Variants in MTMR7 observed in about 807,000 individuals in gnomAD.
MTMR7 encodes myotubularin related protein 7.
In MTMR7, 76 loss-of-function variants were observed where a neutral mutation model predicts 81.2. The observed-to-expected ratio is 0.94, with a 90% CI of 0.78 to 1.13. The LOEUF is 1.13. MTMR7 is among the 50% of genes most tolerant of loss of function. The pLI is 0.00. For missense variants in MTMR7, 1,044 were observed against 820.0 expected (o/e 1.27, Z -3.34); for synonymous variants, 372 against 289.8 (o/e 1.28, Z -2.88).
chr8:17,341,443 C>G lies in MTMR7; in HGVS notation c.652G>C (p.Glu218Gln). The change falls in exon 6 of 14, where the codon GAG (glutamate) becomes CAG (glutamine). Residue 218 changes from glutamate to glutamine, a missense_variant. Glu to Gln is a conservative substitution (Grantham distance 29, BLOSUM62 2). Transcript: ENST00000180173. ...PLSGFSARCL[E>Q]DEQMLQAIRK... ...ATGGCCTGGAGCATCTGCTCGTCCT[C>G]TAGGCACCGGGCACTGAAGCCGGAC... The G allele has an allele frequency of 1.2e-6, 2 of 1,614,164 alleles. No individual in the cohort carries two copies. The highest frequency in any genetic ancestry group is 2.2e-5 in the South Asian group (2 of 91,080).
At chr8:17,304,569 A>C (rs771627623) in intron 11 of MTMR7, 50 bp from the exon 12 acceptor site, 2 of 1,571,822 alleles carry the variant, frequency 1.3e-6, no homozygotes, top group African/African-American at 1.3e-5. Flanking sequence ...GTGCTTACAC[A>C]CAGTAGATAT....
In MTMR7 at chr8:17,299,323, G is replaced by C. The variant is rs1352206833; in HGVS notation, c.*539C>G. 1 of 152,428 alleles carries C rather than the reference G, an allele frequency of 6.6e-6. No individual in the cohort carries two copies. The highest frequency in any genetic ancestry group is 1.5e-5 in the Non-Finnish European group (1 of 68,230). 9.4% of individuals were successfully genotyped at this position (152,428 alleles called of 1,614,324 possible). On this transcript the variant is annotated 3_prime_UTR_variant, in exon 14 of 14. Transcript: ENST00000180173. ...AAAAGTTAAAGTGATGATTATGCCTGAAAGATAAGCAATTAAAAGCTCCTT... is the reference window on the plus strand; with the variant it reads ...AAAAGTTAAAGTGATGATTATGCCTCAAAGATAAGCAATTAAAAGCTCCTT...
At chr8:17,335,236 G>C (rs1819197772) in intron 6 of MTMR7, among the ~76,000 whole-genome samples, 1 of 152,162 alleles carries the variant, frequency 6.6e-6, no homozygotes, top group Non-Finnish European at 1.5e-5. Context: ...GAGGGGCCCT[G>C]AGTGTCTCAT....
chr8:17,406,097 A>G (rs73211146), intron 1 of MTMR7, among the ~76,000 whole-genome samples: 14,794 of 152,184 alleles, frequency 0.097, 1,163 homozygotes, highest in East Asian at 0.34. Flanking sequence ...GGCTTTCTAG[A>G]AAATATACAT....
rs776781037 is a variant in MTMR7 at position 17,361,257 on chromosome 8, A to G, written c.328T>C (p.Tyr110His). 4.3e-6 allele frequency: 7 copies of G among 1,614,214 alleles called. No homozygotes were observed. Among genetic ancestry groups the G allele is most frequent in the South Asian group, 1.1e-5 (1 of 91,084 alleles). ...AGCATGGGGTTGAATGAAAAGCAGT[A>G]TAACTCCTCATATTTCACTGCAAGA... ...LARPVKYEEL[Y>H]CFSFNPMLDK... The change falls in exon 4 of 14, where the codon TAC (tyrosine) becomes CAC (histidine). Residue 110 changes from tyrosine (Y) to histidine (H), a missense_variant. Coordinates refer to ENST00000180173, the MANE Select transcript of MTMR7 (RefSeq NM_004686.5).
At chr8:17,350,705 A>G (rs1819704989) in intron 4 of MTMR7, among the ~76,000 whole-genome samples, 1 of 152,170 alleles carries the variant, frequency 6.6e-6, no homozygotes, top group Non-Finnish European at 1.5e-5. Flanking sequence ...CACAACTGAA[A>G]TCCAAGCCTC....
intron 6 of MTMR7, among the ~76,000 whole-genome samples, chr8:17,339,998 C>T (rs796792143): frequency 6.6e-6 from 1 of 152,238 alleles, no homozygotes; most frequent in Admixed American, 6.5e-5. Flanking sequence ...GTTGCCCAGG[C>T]TGGAGTGCAA....
At position 17,348,999 on chromosome 8, in the gene MTMR7, C is replaced by A; in HGVS notation, c.551G>T (p.Ser184Ile). ...AGAAAGGACAGGAAATCGCCGTCTA[C>A]TCCGGAATTTGGAACTCCCCACTAT... ...HIIVGSSKFR[S>I]RRRFPVLSYY... The change falls in exon 5 of 14, where the codon AGT becomes ATT. Residue 184 changes from serine to isoleucine, a missense_variant. By Grantham distance (142) the Ser-to-Ile change is moderately radical (BLOSUM62 -2). Transcript: ENST00000180173. 6.2e-7 allele frequency: 1 copy of A among 1,613,506 alleles called. No individual in the cohort carries two copies. The highest frequency in any genetic ancestry group is 1.1e-5 in the South Asian group (1 of 91,022).
rs150683913 is a variant in MTMR7, at chr8:17,343,987, C to T, written c.598-2490G>A. On this transcript the variant is annotated intron_variant, in intron 5 of 13. Transcript: ENST00000180173. ...AACCGGAAGGGATAGCGCTCATTTACAATGCTACTAATAATTAAAATATTC... is the reference window on the plus strand; with the variant it reads ...AACCGGAAGGGATAGCGCTCATTTATAATGCTACTAATAATTAAAATATTC... Among the ~76,000 whole-genome samples the T allele has an allele frequency of 7.2e-5, 11 of 152,298 alleles. No homozygotes were observed. In the East Asian group the frequency reaches 2.1e-3, roughly 29 times the overall value.
At chr8:17,302,707 C>CCT (rs1554504074) in intron 12 of MTMR7, among the ~76,000 whole-genome samples, 1 of 54,640 alleles carries the variant, frequency 1.8e-5, no homozygotes, top group Non-Finnish European at 6.1e-5. Flanking sequence ...GCAATAACCC[C>CCT]CCCCCCCCCG....
chr8:17,356,148 T>A (rs1819882998), intron 4 of MTMR7, among the ~76,000 whole-genome samples: 1 of 152,164 alleles, frequency 6.6e-6, no homozygotes, highest in Non-Finnish European at 1.5e-5. Flanking sequence ...AGCCAAAAGG[T>A]ATTATACTAT....
chr8:17,308,308 T>C (rs1297050800), intron 10 of MTMR7, among the ~76,000 whole-genome samples: 1 of 152,174 alleles, frequency 6.6e-6, no homozygotes, highest in Non-Finnish European at 1.5e-5. Context: ...TAGCGTGTAA[T>C]ATTAATAGAA....
At chr8:17,373,764 C>G (rs1051869329) in intron 1 of MTMR7, among the ~76,000 whole-genome samples, 10 of 152,060 alleles carry the variant, frequency 6.6e-5, no homozygotes, top group African/African-American at 1.9e-4. Flanking sequence ...GAAAACATAC[C>G]ATCTCAAGAT....
intron 4 of MTMR7, among the ~76,000 whole-genome samples, chr8:17,357,805 T>C (rs960070175): frequency 2.0e-5 from 3 of 152,232 alleles, no homozygotes; most frequent in African/African-American, 7.2e-5. Context: ...ACTGGTGATG[T>C]TCATTCTTAT....
chr8:17,308,194 A>G (rs1249107584), intron 10 of MTMR7, among the ~76,000 whole-genome samples: 1 of 152,074 alleles, frequency 6.6e-6, no homozygotes, highest in Admixed American at 6.5e-5. Flanking sequence ...AAGGTTGCCT[A>G]ATATTAACGT....
At chr8:17,389,020 G>T (rs1222583886) in intron 1 of MTMR7, among the ~76,000 whole-genome samples, 2 of 152,148 alleles carry the variant, frequency 1.3e-5, no homozygotes, top group Non-Finnish European at 2.9e-5. Context: ...TGATGTGGAG[G>T]CCTCTTCTGA....
chr8:17,360,630 C>G (rs1055606009), intron 4 of MTMR7, among the ~76,000 whole-genome samples: 1 of 151,982 alleles, frequency 6.6e-6, no homozygotes, highest in African/African-American at 2.4e-5. Context: ...GCTTCCCTGC[C>G]TCTCCATATT....
chr8:17,311,847 G>T, intron 8 of MTMR7: 1 of 646,866 alleles, frequency 1.5e-6, no homozygotes, highest in East Asian at 2.8e-5. Flanking sequence ...ATTCTATCCA[G>T]AAGCCACCAC....
intron 6 of MTMR7, among the ~76,000 whole-genome samples, chr8:17,332,361 A>G (rs1819047934): frequency 6.6e-6 from 1 of 152,262 alleles, no homozygotes; most frequent in Non-Finnish European, 1.5e-5. Flanking sequence ...GTACCAGCAC[A>G]TAAAAATAGA....
Sources: allele counts gnomAD v4.1 joint callset (sites outside exome capture counted in the v4.1 genomes callset), GRCh38; gene constraint gnomAD v4.1.1; transcripts MANE v1.5; gene names NCBI Gene and HGNC (gene_info 2026-07-23, HGNC 2026-07-21).